Variants in DCDC2 observed in about 807,000 individuals in gnomAD.
The protein encoded by DCDC2 is doublecortin domain containing 2.
DCDC2 carries 40 observed loss-of-function variants against 50.2 expected under a neutral mutation model. The ratio of observed to expected loss-of-function variants is 0.80; its 90% CI spans 0.62 to 1.04. The LOEUF (loss-of-function observed/expected upper bound fraction) is 1.04, where lower values mean the gene tolerates loss of function less well. DCDC2 is among the 50% of genes least tolerant of loss of function. DCDC2 has a pLI of 0.00. For missense variants in DCDC2, 570 were observed against 581.9 expected (o/e 0.98, Z 0.21); for synonymous variants, 234 against 210.6 (o/e 1.11, Z -0.96).
chr6:24,381,898 AAAG>A, the DCDC2 span, among the ~76,000 whole-genome samples: 5 of 148,602 alleles, frequency 3.4e-5, no homozygotes, highest in African/African-American at 1.2e-4. Context: ...AAAAAGAAAG[AAAG>A]AAGGAGAAAG....
intron 9 of DCDC2, 70 bp downstream of exon 9, chr6:24,178,260 T>G: frequency 1.4e-6 from 2 of 1,475,870 alleles, no homozygotes; most frequent in Non-Finnish European, 9.2e-7. Context: ...TGATTAATTC[T>G]CTGAATGCAC....
intron 2 of DCDC2, among the ~76,000 whole-genome samples, chr6:24,319,181 A>G (rs1393251165): frequency 6.6e-6 from 1 of 152,130 alleles, no homozygotes; most frequent in Non-Finnish European, 1.5e-5. Flanking sequence ...TCTGATGATC[A>G]GTGACGTTGA....
At chr6:24,259,358 T>C (rs753213446) in intron 7 of DCDC2, among the ~76,000 whole-genome samples, 1 of 152,216 alleles carries the variant, frequency 6.6e-6, no homozygotes, top group Admixed American at 6.5e-5. Context: ...GAAAGTTTTG[T>C]TGTTTACTAA....
intron 2 of DCDC2, among the ~76,000 whole-genome samples, chr6:24,326,166 A>AAGG (rs1554119246): frequency 7.9e-6 from 1 of 127,134 alleles, no homozygotes; most frequent in Non-Finnish European, 1.7e-5. Flanking sequence ...GAGAGGAAGG[A>AAGG]AAGGAAGGAA....
Position 24,175,316 on chromosome 6 carries a change from G to A in DCDC2, c.1327-482C>T, listed in dbSNP as rs146676408. Among the ~76,000 whole-genome samples the A allele has an allele frequency of 4.2e-4, 64 of 152,308 alleles. No individual in the cohort carries two copies. In the East Asian group the frequency reaches 0.011, roughly 27 times the overall value. ...GACAGAAAATCAAAATGTGGAGGCA[G>A]CATTTCTCCAACAACAACTATTGCT... On this transcript the variant is annotated intron_variant, in intron 9 of 9. Coordinates refer to ENST00000378454, the MANE Select transcript of DCDC2 (RefSeq NM_016356.5).
chr6:24,211,384 G>T (rs946266431), intron 7 of DCDC2, among the ~76,000 whole-genome samples: 3 of 152,134 alleles, frequency 2.0e-5, no homozygotes, highest in African/African-American at 7.2e-5. Context: ...AACAAATTAC[G>T]TTATTGGTGG....
upstream of DCDC2, among the ~76,000 whole-genome samples, chr6:24,358,807 TA>T (rs1760540646): frequency 5.4e-5 from 2 of 36,724 alleles, no homozygotes; most frequent in African/African-American, 1.7e-4. Context: ...TTTTATATAT[TA>T]TATATAAATA....
intron 7 of DCDC2, among the ~76,000 whole-genome samples, chr6:24,271,081 T>G (rs146630588): frequency 0.015 from 2,194 of 151,054 alleles, 16 homozygotes; most frequent in Middle Eastern, 0.044. Flanking sequence ...ATTAGCCTTG[T>G]GTGGTGGCAC....
At chr6:24,177,414 G>T (rs1230076762) in intron 9 of DCDC2, among the ~76,000 whole-genome samples, 2 of 152,148 alleles carry the variant, frequency 1.3e-5, no homozygotes, top group Admixed American at 6.5e-5. Context: ...TAAATCAGAT[G>T]CATCAATAAT....
Position 24,281,552 on chromosome 6 carries a change from A to G in DCDC2, c.760-3341T>C, listed in dbSNP as rs904380644. 6.9e-5 allele frequency among the ~76,000 whole-genome samples: 10 copies of G among 144,730 alleles called. No individual in the cohort carries two copies. The South Asian group carries it at 9.4e-4, about 14-fold the overall frequency. 94.9% of individuals were successfully genotyped at this position (144,730 alleles called of 152,430 possible). A position where few individuals can be genotyped will look rare whatever the true frequency, so the allele number is the denominator to read the frequency against. ...AAGAGAAAAAAGTTGATTCATCTAAAGTGTTCATGTGAAAATACATAATAC... is the reference window on the plus strand; with the variant it reads ...AAGAGAAAAAAGTTGATTCATCTAAGGTGTTCATGTGAAAATACATAATAC... On this transcript the variant is annotated intron_variant, in intron 6 of 9. Transcript: ENST00000378454.
At chr6:24,282,525 G>A (rs1361260049) in intron 6 of DCDC2, among the ~76,000 whole-genome samples, 2 of 151,618 alleles carry the variant, frequency 1.3e-5, no homozygotes, top group Non-Finnish European at 2.9e-5. Context: ...TTACAGGCGT[G>A]AGCCACCACA....
At chr6:24,280,367 G>GT in intron 6 of DCDC2, among the ~76,000 whole-genome samples, 1 of 151,276 alleles carries the variant, frequency 6.6e-6, no homozygotes, top group Admixed American at 6.6e-5. Context: ...TGCAACCAGG[G>GT]GTTTTTTTTT....
intron 7 of DCDC2, among the ~76,000 whole-genome samples, chr6:24,230,084 C>T (rs1298865729): frequency 6.6e-6 from 1 of 152,150 alleles, no homozygotes. Context: ...ATTAGGAAAA[C>T]TTAAAACATA....
At chr6:24,353,533 T>TCAAACAA in intron 2 of DCDC2, 36 bp downstream of exon 2, 2 of 1,342,934 alleles carry the variant, frequency 1.5e-6, no homozygotes, top group Non-Finnish European at 2.1e-6. Context: ...ATGGCACCGT[T>TCAAACAA]ATTTATTTGA....
chr6:24,302,885 GCA>G (rs1759407987), intron 2 of DCDC2, among the ~76,000 whole-genome samples: 1 of 151,454 alleles, frequency 6.6e-6, no homozygotes, highest in African/African-American at 2.4e-5. Context: ...CCCACTCCAG[GCA>G]CACACACTCT....
intron 8 of DCDC2, among the ~76,000 whole-genome samples, chr6:24,186,506 C>A (rs1761207231): frequency 6.6e-6 from 1 of 152,104 alleles, no homozygotes; most frequent in East Asian, 1.9e-4. Context: ...CACACACACA[C>A]TTCTTATTGA....
chr6:24,335,642 T>C (rs968493005), intron 2 of DCDC2, among the ~76,000 whole-genome samples: 15 of 152,132 alleles, frequency 9.9e-5, no homozygotes, highest in African/African-American at 3.4e-4. Flanking sequence ...AACTAGGTAA[T>C]TTGTAAACAA....
chr6:24,259,476 T>C (rs1294614736), intron 7 of DCDC2, among the ~76,000 whole-genome samples: 1 of 152,108 alleles, frequency 6.6e-6, no homozygotes, highest in Non-Finnish European at 1.5e-5. Context: ...AAAATAACAT[T>C]ATAAGGTTAA....
intron 9 of DCDC2, among the ~76,000 whole-genome samples, chr6:24,175,307 G>A (rs987047943): frequency 1.3e-5 from 2 of 152,176 alleles, no homozygotes; most frequent in African/African-American, 4.8e-5. Flanking sequence ...AAATCAAAAT[G>A]TGGAGGCAGC....
Sources: allele counts gnomAD v4.1 joint callset (sites outside exome capture counted in the v4.1 genomes callset), GRCh38; gene constraint gnomAD v4.1.1; transcripts MANE v1.5; gene names NCBI Gene and HGNC (gene_info 2026-07-23, HGNC 2026-07-21).